The following PDSS2 variants were observed in gnomAD, a reference collection of about 807,000 sequenced individuals.
The protein encoded by PDSS2 is all trans-polyprenyl-diphosphate synthase PDSS2.
In PDSS2, 31 loss-of-function variants were observed where a neutral mutation model predicts 44.5. The observed-to-expected ratio is 0.70, with a 90% CI of 0.52 to 0.94. PDSS2 has a LOEUF of 0.94. PDSS2 is among the 40% of genes least tolerant of loss of function. The pLI is 0.00. For synonymous variants in PDSS2, 157 were observed against 180.3 expected, an observed-to-expected ratio of 0.87 and a Z score of 1.03; for missense variants, 452 against 482.2, an observed-to-expected ratio of 0.94 and a Z score of 0.59.
At chr6:107,193,296 A>G (rs1006636200) in intron 7 of PDSS2, among the ~76,000 whole-genome samples, 2 of 152,208 alleles carry the variant, frequency 1.3e-5, no homozygotes, top group African/African-American at 4.8e-5. Flanking sequence ...GGTCTGATGC[A>G]GTGGTACCTA....
intron 2 of PDSS2, among the ~76,000 whole-genome samples, chr6:107,277,978 AAAAT>A (rs531298621): frequency 2.5e-4 from 37 of 150,578 alleles, no homozygotes; most frequent in African/African-American, 5.4e-4. Context: ...ATGAATAAAT[AAAAT>A]AAATAAATAA....
intron 1 of PDSS2, among the ~76,000 whole-genome samples, chr6:107,373,459 G>T (rs1779187253): frequency 6.6e-6 from 1 of 152,060 alleles, no homozygotes; most frequent in African/African-American, 2.4e-5. Context: ...CTATAAACAG[G>T]AAACAACGTG....
At chr6:107,273,139 C>T (rs961002667) in intron 3 of PDSS2, among the ~76,000 whole-genome samples, 1 of 151,946 alleles carries the variant, frequency 6.6e-6, no homozygotes, top group African/African-American at 2.4e-5. Flanking sequence ...CACGCGCCAC[C>T]ACGCCCAGTT....
intron 2 of PDSS2, among the ~76,000 whole-genome samples, chr6:107,303,233 A>G (rs1345195732): frequency 6.6e-6 from 1 of 152,186 alleles, no homozygotes; most frequent in Non-Finnish European, 1.5e-5. Context: ...AATGACAATA[A>G]AACATTCATG....
chr6:107,239,962 A>G (rs1341042311), intron 4 of PDSS2, among the ~76,000 whole-genome samples: 1 of 152,124 alleles, frequency 6.6e-6, no homozygotes, highest in Non-Finnish European at 1.5e-5. Flanking sequence ...ATCAGAAAAT[A>G]AGTTAAAATG....
chr6:107,350,877 GA>G (rs1049255448), intron 1 of PDSS2, among the ~76,000 whole-genome samples: 4 of 147,242 alleles, frequency 2.7e-5, no homozygotes, highest in Middle Eastern at 3.4e-3. Flanking sequence ...TTCCCTGGGG[GA>G]AAAAAAAACA....
At chr6:107,443,516 T>TA (rs202019052) in intron 1 of PDSS2, among the ~76,000 whole-genome samples, 8 of 152,082 alleles carry the variant, frequency 5.3e-5, no homozygotes, top group African/African-American at 7.2e-5. Flanking sequence ...CTTTCAGCAA[T>TA]AAAAAAAATG....
At position 107,428,072 on chromosome 6, in the gene PDSS2, G is replaced by A. The variant is rs567589780; in HGVS notation, c.296+30918C>T. 1.4e-4 allele frequency among the ~76,000 whole-genome samples: 22 copies of A among 152,306 alleles called. No individual in the cohort carries two copies. The East Asian group carries it at 4.0e-3, about 28-fold the overall frequency. ...TTTAAAACTAATATATTTTCATAGT[G>A]TATATAAGATACAGTCAAAATTTTC... On this transcript the variant is annotated intron_variant, in intron 1 of 7. Coordinates refer to ENST00000369037, the MANE Select transcript of PDSS2 (RefSeq NM_020381.4).
chr6:107,197,112 AAAGT>A (rs1333030294), intron 6 of PDSS2, among the ~76,000 whole-genome samples: 1 of 152,172 alleles, frequency 6.6e-6, no homozygotes, highest in Non-Finnish European at 1.5e-5. Context: ...TGTGAAAAAG[AAAGT>A]AAGTGTTTCC....
At chr6:107,308,483 T>C (rs1329035869) in intron 2 of PDSS2, among the ~76,000 whole-genome samples, 3 of 152,230 alleles carry the variant, frequency 2.0e-5, no homozygotes, top group African/African-American at 7.2e-5. Flanking sequence ...TGAGGGCTCA[T>C]AGTTTAGTTG....
chr6:107,219,306 G>A (rs1472030054), intron 4 of PDSS2, among the ~76,000 whole-genome samples: 1 of 151,960 alleles, frequency 6.6e-6, no homozygotes, highest in Non-Finnish European at 1.5e-5. Context: ...ATTTATTTTT[G>A]TGATGGAGTC....
At chr6:107,404,618 C>T (rs1780248849) in intron 1 of PDSS2, among the ~76,000 whole-genome samples, 1 of 152,170 alleles carries the variant, frequency 6.6e-6, no homozygotes, top group Non-Finnish European at 1.5e-5. Flanking sequence ...ACAGCACGTA[C>T]AGGGGAACTG....
intron 1 of PDSS2, among the ~76,000 whole-genome samples, chr6:107,341,476 A>C (rs1446304335): frequency 6.6e-6 from 1 of 152,158 alleles, no homozygotes; most frequent in Non-Finnish European, 1.5e-5. Flanking sequence ...TAGAGTTGGG[A>C]AGCATCTTCA....
chr6:107,256,900 G>A (rs914315811), intron 3 of PDSS2, among the ~76,000 whole-genome samples: 2 of 151,948 alleles, frequency 1.3e-5, no homozygotes, highest in Admixed American at 1.3e-4. Context: ...TAATAGAAGA[G>A]GCCAGGCGTG....
chr6:107,230,536 A>C (rs1285874029), intron 4 of PDSS2, among the ~76,000 whole-genome samples: 1 of 151,968 alleles, frequency 6.6e-6, no homozygotes, highest in Non-Finnish European at 1.5e-5. Flanking sequence ...ATTTATTATC[A>C]CTCACTGTCT....
At chr6:107,263,263 G>T (rs1775304629) in intron 3 of PDSS2, among the ~76,000 whole-genome samples, 1 of 152,016 alleles carries the variant, frequency 6.6e-6, no homozygotes, top group Non-Finnish European at 1.5e-5. Flanking sequence ...GACCAGTCTT[G>T]CCAACATGGC....
At chr6:107,374,614 C>T (rs963193315) in intron 1 of PDSS2, among the ~76,000 whole-genome samples, 1 of 152,186 alleles carries the variant, frequency 6.6e-6, no homozygotes, top group Non-Finnish European at 1.5e-5. Context: ...TTTTCAGTGC[C>T]ATGATAGTGA....
intron 3 of PDSS2, among the ~76,000 whole-genome samples, chr6:107,252,859 G>GTTTGAGA (rs140115310): frequency 0.2 from 30,397 of 151,874 alleles, 3,311 homozygotes; most frequent in African/African-American, 0.28. Context: ...TAAATATGAA[G>GTTTGAGA]TTTAATTTTA....
intron 6 of PDSS2, among the ~76,000 whole-genome samples, chr6:107,205,712 T>C (rs1294656211): frequency 6.6e-6 from 1 of 152,110 alleles, no homozygotes; most frequent in African/African-American, 2.4e-5. Context: ...TGTGTCAACA[T>C]GCACATGCAT....
Sources: allele counts gnomAD v4.1 joint callset (sites outside exome capture counted in the v4.1 genomes callset), GRCh38; gene constraint gnomAD v4.1.1; transcripts MANE v1.5; gene names NCBI Gene and HGNC (gene_info 2026-07-23, HGNC 2026-07-21).